The following TASP1 variants were observed in gnomAD, a reference collection of about 807,000 sequenced individuals.
The protein encoded by TASP1 is taspase 1, also known as threonine aspartase 1.
TASP1 carries 16 observed loss-of-function variants against 56.6 expected under a neutral mutation model. The observed-to-expected ratio is 0.28, with a 90% CI of 0.19 to 0.43. The LOEUF is 0.43. Ranked by LOEUF, TASP1 falls within the 20% of genes least tolerant of loss-of-function variation. The pLI is 1.00. For synonymous variants in TASP1, 179 were observed against 184.2 expected, an observed-to-expected ratio of 0.97 and a Z score of 0.23; for missense variants, 393 against 511.6, an observed-to-expected ratio of 0.77 and a Z score of 2.24.
chr20:13,558,368 C>T (rs1242847847), intron 8 of TASP1, among the ~76,000 whole-genome samples: 2 of 152,142 alleles, frequency 1.3e-5, no homozygotes, highest in African/African-American at 4.8e-5. Context: ...TTTTCTTATA[C>T]TTACACTCTA....
chr20:13,558,310 T>G (rs1214795164), intron 8 of TASP1, among the ~76,000 whole-genome samples: 1 of 152,136 alleles, frequency 6.6e-6, no homozygotes, highest in African/African-American at 2.4e-5. Context: ...AATGTTGTAG[T>G]TTTCAATTTC....
Position 13,417,453 on chromosome 20 carries a change from C to T in TASP1, c.1165G>A (p.Ala389Thr). ...GACCGTTTTTTCCCACTTACCTTGG[C>T]TTTCCCATCCTGGGCTGACATATAT... ...VGYMSAQDGK[A>T]KTHISRLPPG... Residue 389 changes from alanine (A) to threonine (T), a missense_variant, in exon 13 of 14, where the codon GCC (alanine) becomes ACC (threonine). Around this residue, in one of 3 missense-constraint regions of TASP1, gnomAD observed 293 missense variants for 354.2 expected, o/e 0.83. Coordinates refer to ENST00000337743, the MANE Select transcript of TASP1 (RefSeq NM_017714.3). 1 of 1,614,116 alleles carries T rather than the reference C, an allele frequency of 6.2e-7. No individual in the cohort carries two copies. The highest frequency in any genetic ancestry group is 1.1e-5 in the South Asian group (1 of 91,072).
chr20:13,636,140 C>CTTTTTT (rs36048272), intron 1 of TASP1, among the ~76,000 whole-genome samples: 7 of 98,018 alleles, frequency 7.1e-5, no homozygotes, highest in Middle Eastern at 7.7e-3. Context: ...TGTGTTGTTG[C>CTTTTTT]TTTTTTTTTT....
At chr20:13,250,418 T>C in the TASP1 span, among the ~76,000 whole-genome samples, 1 of 152,180 alleles carries the variant, frequency 6.6e-6, no homozygotes, top group African/African-American at 2.4e-5. Context: ...TGGGGGCATA[T>C]GGAGTTTTAG....
chr20:13,204,776 G>C, the TASP1 span, among the ~76,000 whole-genome samples: 1 of 152,274 alleles, frequency 6.6e-6, no homozygotes, highest in East Asian at 1.9e-4. Context: ...TCTTAAGACA[G>C]AATTGGGGCC....
intron 10 of TASP1, among the ~76,000 whole-genome samples, chr20:13,525,941 ACTGGAAAG>A (rs1245076156): frequency 2.0e-5 from 3 of 152,208 alleles, no homozygotes; most frequent in Non-Finnish European, 4.4e-5. Context: ...GATGTCATGA[ACTGGAAAG>A]CTAGAGGTAT....
chr20:13,579,341 A>C (rs2047035173), intron 6 of TASP1, among the ~76,000 whole-genome samples: 1 of 152,220 alleles, frequency 6.6e-6, no homozygotes, highest in South Asian at 2.1e-4. Context: ...GCATGGGTTT[A>C]ATATAAATCA....
intron 11 of TASP1, among the ~76,000 whole-genome samples, chr20:13,451,927 CATTA>C (rs2043635439): frequency 6.6e-6 from 1 of 152,008 alleles, no homozygotes; most frequent in Non-Finnish European, 1.5e-5. Flanking sequence ...GATGCAGAGT[CATTA>C]ATTGGCCTAA....
At chr20:13,383,164 G>A in the TASP1 span, among the ~76,000 whole-genome samples, 2 of 152,216 alleles carry the variant, frequency 1.3e-5, no homozygotes, top group Non-Finnish European at 2.9e-5. Context: ...CTGGGACAAG[G>A]TGTACTGGAA....
intron 12 of TASP1, among the ~76,000 whole-genome samples, chr20:13,424,654 C>G (rs748929926): frequency 2.0e-5 from 3 of 152,046 alleles, no homozygotes; most frequent in Admixed American, 6.5e-5. Flanking sequence ...TCTAGAGAAG[C>G]TTCTAGCCTT....
intron 13 of TASP1, among the ~76,000 whole-genome samples, chr20:13,397,664 A>C (rs1194212323): frequency 6.6e-6 from 1 of 152,210 alleles, no homozygotes; most frequent in Non-Finnish European, 1.5e-5. Context: ...AATCTTACCA[A>C]CAAATTTCAA....
At chr20:13,356,500 G>A in the TASP1 span, among the ~76,000 whole-genome samples, 2 of 152,120 alleles carry the variant, frequency 1.3e-5, no homozygotes, top group Non-Finnish European at 2.9e-5. Context: ...GAAAATTCTT[G>A]CCCAGTAAGT....
chr20:13,444,219 C>T (rs6109883), intron 11 of TASP1, among the ~76,000 whole-genome samples: 8,917 of 152,124 alleles, frequency 0.059, 373 homozygotes, highest in African/African-American at 0.12. Flanking sequence ...TTTGCAAAAC[C>T]GGACACACAG....
the TASP1 span, among the ~76,000 whole-genome samples, chr20:13,221,249 C>CCTCCTCCTCCTCCTT: frequency 6.9e-6 from 1 of 144,336 alleles, no homozygotes; most frequent in Non-Finnish European, 1.5e-5. Context: ...TCCTCCTCCT[C>CCTCCTCCTCCTCCTT]CTCCTCCTCC....
At chr20:13,122,462 C>T in the TASP1 span, among the ~76,000 whole-genome samples, 3 of 152,338 alleles carry the variant, frequency 2.0e-5, no homozygotes, top group South Asian at 2.1e-4. Context: ...CAAGCTTACT[C>T]TTCTGGGGAG....
chr20:13,577,292 C>T (rs1415654083), intron 6 of TASP1, among the ~76,000 whole-genome samples: 4 of 152,036 alleles, frequency 2.6e-5, no homozygotes, highest in Non-Finnish European at 5.9e-5. Flanking sequence ...CTAGGCAGCT[C>T]CAAATCTTTT....
chr20:13,366,398 G>A, the TASP1 span, among the ~76,000 whole-genome samples: 2 of 152,274 alleles, frequency 1.3e-5, no homozygotes, highest in Admixed American at 6.5e-5. Context: ...GAAGAATGAA[G>A]TGTCTAAGAA....
the TASP1 span, among the ~76,000 whole-genome samples, chr20:13,177,745 G>A: frequency 6.6e-6 from 1 of 152,058 alleles, no homozygotes; most frequent in South Asian, 2.1e-4. Flanking sequence ...ACCTCTCATT[G>A]TATAAAAAAA....
chr20:13,453,389 T>C (rs16994005), intron 11 of TASP1, among the ~76,000 whole-genome samples: 5 of 152,118 alleles, frequency 3.3e-5, no homozygotes, highest in African/African-American at 1.2e-4. Context: ...AGCATGTTGA[T>C]GACACAATGG....
Sources: allele counts gnomAD v4.1 joint callset (sites outside exome capture counted in the v4.1 genomes callset), GRCh38; gene constraint gnomAD v4.1.1; regional missense constraint gnomAD v4.1.1; transcripts MANE v1.5; gene names NCBI Gene and HGNC (gene_info 2026-07-23, HGNC 2026-07-21).